COL25A1: variants seen among roughly 807,000 people sequenced by gnomAD.
COL25A1 encodes the protein collagen type XXV alpha 1 chain.
In COL25A1, 103 loss-of-function variants were observed where a neutral mutation model predicts 128.4. That is an observed-to-expected ratio of 0.80 (90% CI 0.68 to 0.94). The LOEUF is 0.94. Ranked by LOEUF, COL25A1 falls within the 40% of genes least tolerant of loss-of-function variation. The pLI, the probability that COL25A1 is intolerant of heterozygous loss-of-function variation, is 0.00. For synonymous variants in COL25A1, 279 were observed against 277.2 expected (o/e 1.01, Z -0.06); for missense variants, 745 against 840.0 (o/e 0.89, Z 1.40).
chr4:109,200,504 C>T (rs1191742295), intron 3 of COL25A1, among the ~76,000 whole-genome samples: 5 of 152,134 alleles, frequency 3.3e-5, no homozygotes, highest in African/African-American at 1.2e-4. Flanking sequence ...GTCGCCCAGG[C>T]TGGAATGCAA....
At position 108,948,122 on chromosome 4, in the gene COL25A1, A is replaced by G. The variant is rs374611190; in HGVS notation, c.493-6685T>C. Among the ~76,000 whole-genome samples, 41 of 152,322 alleles carry G rather than the reference A, an allele frequency of 2.7e-4. No individual in the cohort carries two copies. The East Asian group carries it at 4.4e-3, about 16-fold the overall frequency. ...AGACCAGATGGGGAAATACTACAAT[A>G]AGGTACAAAAATATTTAGGTAAAAG... On this transcript the variant is annotated intron_variant, in intron 8 of 37. Coordinates refer to ENST00000399132, the MANE Select transcript of COL25A1 (RefSeq NM_198721.4).
chr4:108,973,083 T>C (rs1752079436), intron 8 of COL25A1, among the ~76,000 whole-genome samples: 1 of 152,106 alleles, frequency 6.6e-6, no homozygotes, highest in Non-Finnish European at 1.5e-5. Flanking sequence ...AAAGGGGAAG[T>C]TGAGTGATTT....
At chr4:109,237,617 C>A (rs1169511358) in intron 3 of COL25A1, among the ~76,000 whole-genome samples, 2 of 148,020 alleles carry the variant, frequency 1.4e-5, no homozygotes. Context: ...GGCTTGATGG[C>A]AATCTTTTTT....
At chr4:109,236,237 T>C (rs1230454971) in intron 3 of COL25A1, among the ~76,000 whole-genome samples, 3 of 152,074 alleles carry the variant, frequency 2.0e-5, no homozygotes, top group Non-Finnish European at 4.4e-5. Context: ...GAAGCTCCCA[T>C]ATGCATTTAA....
At chr4:108,836,849 C>A (rs939589201) in intron 31 of COL25A1, among the ~76,000 whole-genome samples, 1 of 152,068 alleles carries the variant, frequency 6.6e-6, no homozygotes, top group Non-Finnish European at 1.5e-5. Context: ...GAAGCCGAGG[C>A]GGGTGGATCA....
chr4:109,045,915 T>G (rs2125935053), intron 5 of COL25A1, among the ~76,000 whole-genome samples: 1 of 152,320 alleles, frequency 6.6e-6, no homozygotes, highest in Non-Finnish European at 1.5e-5. Flanking sequence ...TTTTGCAGTT[T>G]CGGCCATAAT....
intron 6 of COL25A1, among the ~76,000 whole-genome samples, chr4:108,976,077 T>A (rs1752405240): frequency 6.6e-6 from 1 of 152,174 alleles, no homozygotes; most frequent in Admixed American, 6.5e-5. Flanking sequence ...ATTTAACATT[T>A]TTTATTCTTT....
At chr4:109,298,376 C>T (rs1302176205) in intron 3 of COL25A1, among the ~76,000 whole-genome samples, 4 of 152,180 alleles carry the variant, frequency 2.6e-5, no homozygotes, top group Non-Finnish European at 4.4e-5. Context: ...TGCTTCTTTG[C>T]TATCAGTCCT....
chr4:108,942,210 T>C (rs1055499124), intron 8 of COL25A1: 37 of 1,550,122 alleles, frequency 2.4e-5, no homozygotes, highest in Non-Finnish European at 3.1e-5. Flanking sequence ...ACCACAAACC[T>C]TGACGGTGAG....
chr4:108,824,167 A>G lies in COL25A1; in HGVS notation c.1845+7T>C, dbSNP rs773381691. 6.2e-7 allele frequency: 1 copy of G among 1,614,062 alleles called. No homozygotes were observed. The highest frequency in any genetic ancestry group is 8.5e-7 in the Non-Finnish European group (1 of 1,179,958). ...AAACAAGGTACATGCTGGGATGGAG[A>G]GGTCACCTTTTCTCCCTTTTCTCCT... is the stretch of plus-strand genomic sequence containing the variant. On this transcript the variant is annotated splice_region_variant and intron_variant, in intron 35 of 37. Coordinates refer to ENST00000399132, the MANE Select transcript of COL25A1 (RefSeq NM_198721.4).
intron 8 of COL25A1, among the ~76,000 whole-genome samples, chr4:108,968,281 A>G (rs1377308703): frequency 6.6e-6 from 1 of 152,202 alleles, no homozygotes; most frequent in African/African-American, 2.4e-5. Context: ...GCATTAAATC[A>G]TATGCCATCA....
chr4:109,200,443 G>A (rs924642247), intron 3 of COL25A1, among the ~76,000 whole-genome samples: 1 of 150,930 alleles, frequency 6.6e-6, no homozygotes, highest in African/African-American at 2.4e-5. Flanking sequence ...TATCATTTTG[G>A]TTCTCTCCTA....
intron 35 of COL25A1, among the ~76,000 whole-genome samples, chr4:108,823,676 G>A (rs1291481619): frequency 1.3e-5 from 2 of 152,050 alleles, no homozygotes; most frequent in Non-Finnish European, 1.5e-5. Flanking sequence ...TCCTAGTCCT[G>A]TGTAGTGAAC....
chr4:108,850,850 A>G (rs6835893), intron 26 of COL25A1, among the ~76,000 whole-genome samples: 89,966 of 151,934 alleles, frequency 0.59, 28,000 homozygotes, highest in South Asian at 0.75. Context: ...GGTTTTAGTG[A>G]TACAGATTTT....
intron 3 of COL25A1, among the ~76,000 whole-genome samples, chr4:109,173,540 T>C (rs1319103197): frequency 6.6e-6 from 1 of 152,226 alleles, no homozygotes; most frequent in Admixed American, 6.5e-5. Context: ...CTTTTTTTAA[T>C]ATGAAATTGA....
At chr4:109,204,556 T>C (rs1776833071) in intron 3 of COL25A1, among the ~76,000 whole-genome samples, 1 of 152,078 alleles carries the variant, frequency 6.6e-6, no homozygotes, top group Admixed American at 6.6e-5. Context: ...AGATAATAAT[T>C]TAAATATTAC....
intron 3 of COL25A1, among the ~76,000 whole-genome samples, chr4:109,094,009 T>C (rs555949986): frequency 2.3e-4 from 35 of 152,228 alleles, no homozygotes; most frequent in African/African-American, 8.4e-4. Flanking sequence ...ATTATATGAC[T>C]AGTCAAATAC....
At chr4:109,192,001 A>C (rs1396532851) in intron 3 of COL25A1, among the ~76,000 whole-genome samples, 1 of 152,254 alleles carries the variant, frequency 6.6e-6, no homozygotes, top group Non-Finnish European at 1.5e-5. Flanking sequence ...TCCAACAAGA[A>C]GTGTCAGAGA....
At chr4:109,099,997 C>T (rs1207193408) in intron 3 of COL25A1, among the ~76,000 whole-genome samples, 2 of 151,992 alleles carry the variant, frequency 1.3e-5, no homozygotes, top group East Asian at 3.9e-4. Flanking sequence ...AATCTCTGCC[C>T]TCCTCTCAAT....
Sources: gnomAD v4.1 joint callset for allele counts (sites outside exome capture counted in the v4.1 genomes callset) on GRCh38, gnomAD v4.1.1 for gene constraint, MANE v1.5 for transcripts, NCBI Gene and HGNC (gene_info 2026-07-23, HGNC 2026-07-21) for gene names.